Variants in NPHP4 observed in about 807,000 individuals in gnomAD.
NPHP4 encodes the protein nephrocystin 4, also known as nephrocystin-4.
A neutral mutation model predicts 155.8 loss-of-function variants in NPHP4; 151 were observed. The ratio of observed to expected loss-of-function variants is 0.97; its 90% CI spans 0.85 to 1.11. NPHP4 has a LOEUF of 1.11. Among genes scored for constraint, NPHP4 ranks in the 50% least tolerant of loss-of-function variants. The pLI is 0.00. For missense variants in NPHP4, 1,956 were observed against 1,925.7 expected, an observed-to-expected ratio of 1.02 and a Z score of -0.29; for synonymous variants, 845 against 816.8, an observed-to-expected ratio of 1.03 and a Z score of -0.59.
chr1:5,898,330 C>A (rs1207967754), intron 16 of NPHP4, among the ~76,000 whole-genome samples: 2 of 152,214 alleles, frequency 1.3e-5, no homozygotes, highest in Non-Finnish European at 2.9e-5. Flanking sequence ...ACGCCCTCGG[C>A]AGAGCCCCCC....
At chr1:5,989,615 T>C (rs1018701033) in intron 1 of NPHP4, among the ~76,000 whole-genome samples, 2 of 152,238 alleles carry the variant, frequency 1.3e-5, no homozygotes, top group Non-Finnish European at 2.9e-5. Context: ...CCTCAAGCTT[T>C]TCTTTCCCAC....
intron 9 of NPHP4, among the ~76,000 whole-genome samples, chr1:5,943,693 C>G (rs1312011332): frequency 6.6e-6 from 1 of 152,204 alleles, no homozygotes; most frequent in African/African-American, 2.4e-5. Context: ...CAGGGAAAAG[C>G]ACATTGCTGG....
chr1:5,866,331 C>T (rs777107756), intron 26 of NPHP4, 42 bp downstream of exon 26: 2 of 1,331,596 alleles, frequency 1.5e-6, no homozygotes, highest in Admixed American at 1.9e-5. Flanking sequence ...CTCCTCCTCT[C>T]CTCCGCCACC....
chr1:5,925,346 G>T (rs536483984), intron 11 of NPHP4, among the ~76,000 whole-genome samples: 1 of 152,190 alleles, frequency 6.6e-6, no homozygotes, highest in Non-Finnish European at 1.5e-5. Flanking sequence ...GAGGATGTGC[G>T]TAGATTACAG....
rs1289613848 is a variant in NPHP4, at chr1:5,933,304, T to C, written c.1145A>G (p.Asn382Ser). 1 of 1,613,144 alleles carries C rather than the reference T, an allele frequency of 6.2e-7. No homozygotes were observed. The highest frequency in any genetic ancestry group is 1.3e-5 in the African/African-American group (1 of 74,964). The change falls in exon 10 of 30, where the codon AAC (asparagine) becomes AGC (serine). Residue 382 changes from asparagine to serine, a missense_variant. By Grantham distance (46) the Asn-to-Ser change is conservative. Coordinates refer to ENST00000378156, the MANE Select transcript of NPHP4 (RefSeq NM_015102.5). ...GNAASVTSLSNLACMHMVRWA... is the reference protein window; with the variant it reads ...GNAASVTSLSSLACMHMVRWA... ...GCGGACCATGTGCATGCATGCCAGG[T>C]TGGACAGAGAGGTGACCGAAGCTGC...
Position 5,863,900 on chromosome 1 carries a change from T to A in NPHP4, c.4130A>T (p.Asp1377Val). 1 of 1,613,414 alleles carries A rather than the reference T, an allele frequency of 6.2e-7. No individual in the cohort carries two copies. Among genetic ancestry groups the A allele is most frequent in the South Asian group, 1.1e-5 (1 of 91,042 alleles). The change falls in exon 29 of 30, where the codon GAC becomes GTC. Residue 1377 changes from aspartate (D) to valine (V), a missense_variant. Physicochemically the swap from Asp to Val is radical, Grantham distance 152. Coordinates refer to ENST00000378156, the MANE Select transcript of NPHP4 (RefSeq NM_015102.5). ...DHPELLRFRE[D>V]SFQVGGGETY... ...ACAGCCCCACCACACCTGGAAGGAG[T>A]CCTCTCTGAACCGCAGCAGCTCCGG...
Position 5,986,243 on chromosome 1 carries a change from G to C in NPHP4, c.47C>G (p.Pro16Arg), listed in dbSNP as rs1385428680. ...RIFTQNVLVPPHPQRARQPWK... is the reference protein window; with the variant it reads ...RIFTQNVLVPRHPQRARQPWK... ...AGGCTGGCGCGCTCTCTGTGGGTGG[G>C]GAGGGACAAGCACGTTTTGGGTGAA... Residue 16 changes from proline (P) to arginine (R), a missense_variant, in exon 2 of 30, where the codon CCC becomes CGC. Transcript: ENST00000378156. 2 of 1,613,776 alleles carry C rather than the reference G, an allele frequency of 1.2e-6. No individual in the cohort carries two copies. The highest frequency in any genetic ancestry group is 8.5e-7 in the Non-Finnish European group (1 of 1,179,868).
intron 3 of NPHP4, among the ~76,000 whole-genome samples, chr1:5,976,632 G>A (rs1433177487): frequency 1.3e-5 from 2 of 152,190 alleles, no homozygotes; most frequent in African/African-American, 4.8e-5. Context: ...CCTCTGAGAG[G>A]TATTTGCATT....
intron 23 of NPHP4, chr1:5,868,510 G>C (rs1443232496): frequency 8.7e-6 from 2 of 230,024 alleles, no homozygotes; most frequent in African/African-American, 4.6e-5. Context: ...ACAGAGACAT[G>C]CATACTCACA....
At chr1:5,863,718 C>A (rs1215140745) in intron 29 of NPHP4, 172 bp downstream of exon 29, 1 of 691,932 alleles carries the variant, frequency 1.4e-6, no homozygotes, top group Non-Finnish European at 2.5e-6. Flanking sequence ...AAATCTCCAG[C>A]TACTAAAGAT....
intron 9 of NPHP4, among the ~76,000 whole-genome samples, chr1:5,940,798 T>C (rs557457607): frequency 1.3e-5 from 2 of 152,204 alleles, no homozygotes; most frequent in South Asian, 2.1e-4. Context: ...GACACAAAAA[T>C]AGACTTGAAC....
chr1:5,905,577 C>G lies in NPHP4; in HGVS notation c.1763+55G>C. 1 of 1,609,840 alleles carries G rather than the reference C, an allele frequency of 6.2e-7. No homozygotes were observed. The highest frequency in any genetic ancestry group is 8.5e-7 in the Non-Finnish European group (1 of 1,177,054). ...AAACCCTGGGGTTCACAAGGTCCAA[C>G]AGTCTGACGGCACAGCACGTGACTG... On this transcript the variant is annotated intron_variant, in intron 14 of 29. Transcript: ENST00000378156. This position sits in a 1 kb window ranked among gnomAD's most constrained non-coding sequence, Gnocchi z 4.0.
At chr1:5,962,905 C>T (rs11120898) in intron 5 of NPHP4, among the ~76,000 whole-genome samples, 3,818 of 152,246 alleles carry the variant, frequency 0.025, 157 homozygotes, top group African/African-American at 0.084. Context: ...TCCCACCAAA[C>T]GGCCAATCTT....
chr1:5,865,175 A>G lies in NPHP4; in HGVS notation c.3743T>C (p.Leu1248Pro), dbSNP rs1279462899. ...CTGTGTCCCCCGAAGGACAAGGGAC[A>G]GGCGGGTCAGCTGGCCTGCGACGCA... Reference protein sequence around the residue: ...VSCVAGQLTRLSLVLRGTQTV... With the variant: ...VSCVAGQLTRPSLVLRGTQTV... Residue 1248 changes from leucine (L) to proline (P), a missense_variant, in exon 27 of 30, where the codon CTG (leucine) becomes CCG (proline). Coordinates refer to ENST00000378156, the MANE Select transcript of NPHP4 (RefSeq NM_015102.5). The G allele has an allele frequency of 1.2e-6, 2 of 1,613,066 alleles. No homozygotes were observed. Among genetic ancestry groups the G allele is most frequent in the South Asian group, 1.1e-5 (1 of 91,054 alleles).
intron 11 of NPHP4, among the ~76,000 whole-genome samples, chr1:5,911,416 A>G (rs2101325261): frequency 6.6e-6 from 1 of 152,356 alleles, no homozygotes; most frequent in African/African-American, 2.4e-5. Context: ...CATTATCTTC[A>G]GCAGAGACAG....
In NPHP4 at chr1:5,892,763, C is replaced by G. The variant is rs542457154; in HGVS notation, c.2144-1735G>C. On this transcript the variant is annotated intron_variant, in intron 16 of 29. Transcript: ENST00000378156. This position sits in a 1 kb window ranked among gnomAD's most constrained non-coding sequence, Gnocchi z 4.5. The stretch of plus-strand genomic sequence containing the variant: ...CCACCCCTGAGGTCCAAGCTCCCCA[C>G]AGTCCACCCTGTGTCATTTCCATCC... Among the ~76,000 whole-genome samples, 3 of 152,274 alleles carry G rather than the reference C, an allele frequency of 2.0e-5. No homozygotes were observed. The South Asian group carries it at 6.2e-4, about 32-fold the overall frequency.
Position 5,978,326 on chromosome 1 carries a change from A to G in NPHP4, c.223T>C (p.Trp75Arg). Reference protein sequence around the residue: ...VTYRHFFGRTWKTTVKPTKRP... With the variant: ...VTYRHFFGRTRKTTVKPTKRP... ...TTCGTCGGCTTCACTGTGGTTTTCC[A>G]CGTCCTCCCAAAGAAGTGCCGGTAG... Residue 75 changes from tryptophan (W) to arginine (R), a missense_variant, in exon 3 of 30, where the codon TGG becomes CGG. By Grantham distance (101) the Trp-to-Arg change is moderately radical. Coordinates refer to ENST00000378156, the MANE Select transcript of NPHP4 (RefSeq NM_015102.5). 1 of 1,609,600 alleles carries G rather than the reference A, an allele frequency of 6.2e-7. No homozygotes were observed. The highest frequency in any genetic ancestry group is 8.5e-7 in the Non-Finnish European group (1 of 1,178,236).
chr1:5,986,112 C>CT (rs746535382), intron 2 of NPHP4, 43 bp downstream of exon 2: 11 of 1,609,974 alleles, frequency 6.8e-6, no homozygotes, highest in Non-Finnish European at 9.3e-6. Context: ...CTCATGTCAG[C>CT]TAAGAGCAAT....
At chr1:5,926,740 G>A (rs1415206538) in intron 11 of NPHP4, among the ~76,000 whole-genome samples, 1 of 152,200 alleles carries the variant, frequency 6.6e-6, no homozygotes, top group Non-Finnish European at 1.5e-5. Context: ...AGCAGGACTT[G>A]GGGCCATAGC....
Sources: allele counts gnomAD v4.1 joint callset (sites outside exome capture counted in the v4.1 genomes callset), GRCh38; gene constraint gnomAD v4.1.1; non-coding constraint Gnocchi (gnomAD v3.1); transcripts MANE v1.5; gene names NCBI Gene and HGNC (gene_info 2026-07-23, HGNC 2026-07-21).